DOCK4: variants seen among roughly 807,000 people sequenced by gnomAD.
DOCK4 encodes the protein dedicator of cytokinesis 4.
In DOCK4, 97 loss-of-function variants were observed where a neutral mutation model predicts 268.1. That is an observed-to-expected ratio of 0.36 (90% CI 0.31 to 0.43). DOCK4 has a LOEUF of 0.43. Ranked by LOEUF, DOCK4 falls within the 20% of genes least tolerant of loss-of-function variation. The pLI is 1.00. For missense variants in DOCK4, 2,145 were observed against 2,455.7 expected, an observed-to-expected ratio of 0.87 and a Z score of 2.67; for synonymous variants, 954 against 887.2, an observed-to-expected ratio of 1.08 and a Z score of -1.34.
At chr7:111,950,893 T>C (rs908098259) in intron 8 of DOCK4, among the ~76,000 whole-genome samples, 3 of 152,222 alleles carry the variant, frequency 2.0e-5, no homozygotes, top group African/African-American at 7.2e-5. Context: ...ACTGTCTTCC[T>C]CTTCTTACAG....
At position 111,888,572 on chromosome 7, in the gene DOCK4, T is replaced by C. The variant is rs113695725; in HGVS notation, c.1587+7040A>G. Among the ~76,000 whole-genome samples, 797 of 152,012 alleles carry C rather than the reference T, an allele frequency of 5.2e-3. 9 individuals are homozygous for C. The highest frequency in any genetic ancestry group is 0.018 in the African/African-American group (755 of 41,474). The stretch of plus-strand genomic sequence containing the variant: ...GGCAATACAGCCTAGGGTGTGGCCA[T>C]AGTGAAGTAGAAGGCAAATGGAGGT... On this transcript the variant is annotated intron_variant, in intron 16 of 52. Coordinates refer to ENST00000428084, the MANE Select transcript of DOCK4 (RefSeq NM_001363540.2).
intron 13 of DOCK4, among the ~76,000 whole-genome samples, chr7:111,908,945 G>T (rs1324343207): frequency 3.9e-5 from 6 of 152,106 alleles, no homozygotes; most frequent in Non-Finnish European, 5.9e-5. Flanking sequence ...TGGGCATTTG[G>T]GTTGGTTCCT....
intron 1 of DOCK4, among the ~76,000 whole-genome samples, chr7:112,183,566 C>T (rs112789502): frequency 8.5e-5 from 13 of 152,272 alleles, no homozygotes; most frequent in African/African-American, 3.1e-4. Flanking sequence ...ATGGCATGGG[C>T]ATGTGGGGTA....
chr7:112,097,020 G>A (rs569500227), intron 1 of DOCK4, among the ~76,000 whole-genome samples: 1 of 152,256 alleles, frequency 6.6e-6, no homozygotes, highest in South Asian at 2.1e-4. Flanking sequence ...CCTTAAAGCA[G>A]AGCTTGAAAA....
At chr7:111,799,989 T>C (rs1315877116) in intron 30 of DOCK4, among the ~76,000 whole-genome samples, 1 of 152,228 alleles carries the variant, frequency 6.6e-6, no homozygotes, top group Non-Finnish European at 1.5e-5. Flanking sequence ...ATATTTTGCC[T>C]GATTATCATC....
chr7:112,094,826 T>C (rs1335905442), intron 1 of DOCK4, among the ~76,000 whole-genome samples: 14 of 152,088 alleles, frequency 9.2e-5, no homozygotes, highest in Non-Finnish European at 1.9e-4. Flanking sequence ...TATGGTCGTT[T>C]AAAAATGTAT....
chr7:111,935,638 C>T lies in DOCK4; in HGVS notation c.978-10G>A, dbSNP rs914573163. 1 of 1,609,012 alleles carries T rather than the reference C, an allele frequency of 6.2e-7. No individual in the cohort carries two copies. Among genetic ancestry groups the T allele is most frequent in the Non-Finnish European group, 8.5e-7 (1 of 1,175,694 alleles). On this transcript the variant is annotated splice_polypyrimidine_tract_variant and intron_variant, in intron 11 of 52. Coordinates refer to ENST00000428084, the MANE Select transcript of DOCK4 (RefSeq NM_001363540.2). ...ACTCTCTGTGTTACACCTATGAAAA[C>T]ATTAACACTCTGTTAAGCTTTAATG...
intron 16 of DOCK4, among the ~76,000 whole-genome samples, chr7:111,885,275 T>C (rs759406979): frequency 1.3e-5 from 2 of 152,336 alleles, no homozygotes; most frequent in African/African-American, 2.4e-5. Flanking sequence ...TTTGTTACCA[T>C]GGTAAAATCC....
rs995665670 is a variant in DOCK4 at position 111,851,918 on chromosome 7, C to T, written c.2474-4792G>A. The stretch of plus-strand genomic sequence containing the variant: ...TGATAAGGAGTGCAAATAAAGCATC[C>T]ACAACTGTGAAAGTGCCTCTCTCTC... On this transcript the variant is annotated intron_variant, in intron 23 of 52. Transcript: ENST00000428084. Among the ~76,000 whole-genome samples, 5 of 150,560 alleles carry T rather than the reference C, an allele frequency of 3.3e-5. No individual in the cohort carries two copies. The East Asian group carries it at 7.8e-4, about 23-fold the overall frequency.
At chr7:112,177,110 G>T (rs1205492697) in intron 1 of DOCK4, among the ~76,000 whole-genome samples, 1 of 152,174 alleles carries the variant, frequency 6.6e-6, no homozygotes, top group Non-Finnish European at 1.5e-5. Context: ...TAGTTGGGGA[G>T]AGACATTAGA....
intron 39 of DOCK4, among the ~76,000 whole-genome samples, chr7:111,762,758 T>TTTTG (rs1563469353): frequency 9.2e-6 from 1 of 108,704 alleles, no homozygotes; most frequent in Admixed American, 1.1e-4. Flanking sequence ...TTTTGTTTTG[T>TTTTG]TTTCTTTTTT....
At chr7:111,994,970 G>A (rs1799812225) in intron 4 of DOCK4, among the ~76,000 whole-genome samples, 1 of 151,764 alleles carries the variant, frequency 6.6e-6, no homozygotes, top group Admixed American at 6.6e-5. Flanking sequence ...CTAGTAGGGT[G>A]TGTATGGTGG....
chr7:111,878,356 T>G (rs1403826288), intron 16 of DOCK4, among the ~76,000 whole-genome samples: 1 of 152,090 alleles, frequency 6.6e-6, no homozygotes, highest in African/African-American at 2.4e-5. Context: ...TGAAAATTGG[T>G]GGATTAAAAA....
chr7:111,783,269 T>C (rs1010215907), intron 34 of DOCK4, among the ~76,000 whole-genome samples: 1 of 152,012 alleles, frequency 6.6e-6, no homozygotes, highest in Non-Finnish European at 1.5e-5. Context: ...TACAGTAGGG[T>C]GAGAAGTGGC....
chr7:111,755,675 G>C (rs1025660075), intron 41 of DOCK4, 74 bp from the exon 42 acceptor site: 3 of 1,360,394 alleles, frequency 2.2e-6, no homozygotes, highest in African/African-American at 1.4e-5. Flanking sequence ...AGTGTTTGTC[G>C]GTCACTGTTA....
In DOCK4 at chr7:111,727,948, T is replaced by C. The variant is rs1370983569; in HGVS notation, c.*326A>G. ...CGATACAACATTGTCACACATTGTATCGTTTGACAATATCGTATTGGTTTT... is the reference window on the plus strand; with the variant it reads ...CGATACAACATTGTCACACATTGTACCGTTTGACAATATCGTATTGGTTTT... On this transcript the variant is annotated 3_prime_UTR_variant, in exon 53 of 53. Coordinates refer to ENST00000428084, the MANE Select transcript of DOCK4 (RefSeq NM_001363540.2). 4 of 231,596 alleles carry C rather than the reference T, an allele frequency of 1.7e-5. No homozygotes were observed. The highest frequency in any genetic ancestry group is 3.3e-5 in the Non-Finnish European group (4 of 121,386). 14.3% of individuals were successfully genotyped at this position (231,596 alleles called of 1,614,324 possible).
At chr7:111,849,280 T>C (rs1395250968) in intron 23 of DOCK4, among the ~76,000 whole-genome samples, 3 of 141,988 alleles carry the variant, frequency 2.1e-5, no homozygotes, top group African/African-American at 5.1e-5. Flanking sequence ...TTTTTTTTTT[T>C]GAGACGGAGT....
At chr7:111,736,452 G>C (rs373470991) in intron 50 of DOCK4, among the ~76,000 whole-genome samples, 1 of 152,144 alleles carries the variant, frequency 6.6e-6, no homozygotes, top group East Asian at 1.9e-4. Flanking sequence ...ATTATGCACT[G>C]GATTGCAATT....
At chr7:111,760,452 G>A (rs1312399330) in intron 39 of DOCK4, 130 bp from the exon 40 acceptor site, 1 of 924,326 alleles carries the variant, frequency 1.1e-6, no homozygotes, top group Non-Finnish European at 1.6e-6. Flanking sequence ...AAATTACGCT[G>A]GAACAATCTG....
Sources: gnomAD v4.1 joint callset for allele counts (sites outside exome capture counted in the v4.1 genomes callset) on GRCh38, gnomAD v4.1.1 for gene constraint, MANE v1.5 for transcripts, NCBI Gene and HGNC (gene_info 2026-07-23, HGNC 2026-07-21) for gene names.